Variants in MGAT4C observed in about 807,000 individuals in gnomAD.
The protein encoded by MGAT4C is alpha-1,3-mannosyl-glycoprotein 4-beta-N-acetylglucosaminyltransferase C.
In MGAT4C, 19 loss-of-function variants were observed where a neutral mutation model predicts 40.1. That is an observed-to-expected ratio of 0.47 (90% CI 0.33 to 0.70). The LOEUF is 0.70. Among genes scored for constraint, MGAT4C ranks in the 30% least tolerant of loss-of-function variants. The probability of loss-of-function intolerance (pLI) is 0.02; values close to 1 mark genes in which losing one functional copy is unlikely to be tolerated. For missense variants in MGAT4C, 491 were observed against 563.2 expected (o/e 0.87, Z 1.30); for synonymous variants, 181 against 187.1 (o/e 0.97, Z 0.27).
chr12:86,218,066 T>C (rs1331925109), intron 1 of MGAT4C, among the ~76,000 whole-genome samples: 1 of 152,052 alleles, frequency 6.6e-6, no homozygotes, highest in Non-Finnish European at 1.5e-5. Context: ...TTTTGGAGCA[T>C]TAGTCGGCTT....
chr12:86,460,451 G>A (rs1164570189), intron 2 of MGAT4C, among the ~76,000 whole-genome samples: 1 of 152,134 alleles, frequency 6.6e-6, no homozygotes, highest in Non-Finnish European at 1.5e-5. Flanking sequence ...GCAAATTGTT[G>A]TAAGTAAAAC....
At chr12:86,424,215 T>C (rs2136260154) in intron 3 of MGAT4C, among the ~76,000 whole-genome samples, 1 of 152,326 alleles carries the variant, frequency 6.6e-6, no homozygotes, top group South Asian at 2.1e-4. Flanking sequence ...CCTATTAACA[T>C]CTTTAAACCT....
chr12:86,590,181 C>T (rs1293102709), intron 2 of MGAT4C, among the ~76,000 whole-genome samples: 3 of 151,114 alleles, frequency 2.0e-5, no homozygotes, highest in African/African-American at 7.3e-5. Flanking sequence ...TCCCTAGGTG[C>T]TCTACAGCCG....
chr12:86,666,188 A>ACC (rs1431951839), intron 2 of MGAT4C, among the ~76,000 whole-genome samples: 1 of 152,184 alleles, frequency 6.6e-6, no homozygotes, highest in African/African-American at 2.4e-5. Flanking sequence ...TCACAAAGGT[A>ACC]CCATTAGATT....
intron 1 of MGAT4C, among the ~76,000 whole-genome samples, chr12:86,214,607 T>A (rs952929861): frequency 6.6e-6 from 1 of 152,186 alleles, no homozygotes; most frequent in African/African-American, 2.4e-5. Flanking sequence ...AGCCTCTTGC[T>A]GTGTCCTCAC....
At chr12:86,111,621 G>A (rs1047794494) in intron 1 of MGAT4C, among the ~76,000 whole-genome samples, 1 of 151,762 alleles carries the variant, frequency 6.6e-6, no homozygotes, top group South Asian at 2.1e-4. Context: ...CTTGATTAGT[G>A]AGAATTATTT....
At chr12:86,640,050 A>G (rs1207147261) in intron 2 of MGAT4C, among the ~76,000 whole-genome samples, 1 of 151,658 alleles carries the variant, frequency 6.6e-6, no homozygotes, top group Non-Finnish European at 1.5e-5. Context: ...TTTATGCTCA[A>G]TTTTGTTTCA....
chr12:86,438,879 G>A (rs943150909), intron 2 of MGAT4C, among the ~76,000 whole-genome samples: 3 of 151,562 alleles, frequency 2.0e-5, no homozygotes, highest in Non-Finnish European at 4.4e-5. Flanking sequence ...AAAATAAAAA[G>A]ACAAAGAAGG....
chr12:86,764,914 GA>G (rs928842163), intron 1 of MGAT4C, among the ~76,000 whole-genome samples: 68 of 152,134 alleles, frequency 4.5e-4, no homozygotes, highest in African/African-American at 1.6e-3. Context: ...CAAAGATGGG[GA>G]AAAAACAGAG....
intron 2 of MGAT4C, among the ~76,000 whole-genome samples, chr12:86,008,192 C>A (rs1888093460): frequency 6.6e-6 from 1 of 151,920 alleles, no homozygotes; most frequent in Admixed American, 6.6e-5. Context: ...ATTATACAAT[C>A]AACTAACCAA....
chr12:86,677,197 G>C (rs754250838), intron 2 of MGAT4C, among the ~76,000 whole-genome samples: 14 of 152,016 alleles, frequency 9.2e-5, no homozygotes, highest in Non-Finnish European at 1.6e-4. Flanking sequence ...AAATCATAAA[G>C]GCCTTCCTGA....
chr12:86,419,946 T>A (rs1956789166), intron 3 of MGAT4C, among the ~76,000 whole-genome samples: 1 of 152,182 alleles, frequency 6.6e-6, no homozygotes, highest in South Asian at 2.1e-4. Flanking sequence ...GAAAAAACAC[T>A]ACTTAAACTT....
chr12:86,785,745 TA>T (rs1425044595), intron 1 of MGAT4C, among the ~76,000 whole-genome samples: 1 of 151,552 alleles, frequency 6.6e-6, no homozygotes, highest in Non-Finnish European at 1.5e-5. Flanking sequence ...AGGGTTACAC[TA>T]TTTTTTATAT....
chr12:86,607,978 C>T (rs1962103538), intron 2 of MGAT4C, among the ~76,000 whole-genome samples: 1 of 152,014 alleles, frequency 6.6e-6, no homozygotes, highest in South Asian at 2.1e-4. Flanking sequence ...TCAAGCAATC[C>T]TTCTCCCTCA....
chr12:86,352,026 A>G (rs1026161957), intron 3 of MGAT4C, among the ~76,000 whole-genome samples: 10 of 152,096 alleles, frequency 6.6e-5, no homozygotes, highest in Non-Finnish European at 1.0e-4. Flanking sequence ...AAAATTGCAG[A>G]TAAATAAGAA....
At chr12:86,439,784 AAT>A (rs1232715195) in intron 2 of MGAT4C, among the ~76,000 whole-genome samples, 1 of 152,092 alleles carries the variant, frequency 6.6e-6, no homozygotes, top group African/African-American at 2.4e-5. Context: ...TAGAAATTAA[AAT>A]AGAGACATTA....
chr12:86,527,009 T>A (rs1244448096), intron 2 of MGAT4C, among the ~76,000 whole-genome samples: 1 of 152,156 alleles, frequency 6.6e-6, no homozygotes. Context: ...CCCAGCTTCC[T>A]CCTCCTTCAG....
At chr12:86,632,897 A>G (rs1258298485) in intron 2 of MGAT4C, among the ~76,000 whole-genome samples, 1 of 152,160 alleles carries the variant, frequency 6.6e-6, no homozygotes, top group African/African-American at 2.4e-5. Context: ...ACTAGAATTT[A>G]AAGTATAATA....
intron 2 of MGAT4C, among the ~76,000 whole-genome samples, chr12:86,713,537 T>A (rs1950595480): frequency 6.6e-6 from 1 of 152,120 alleles, no homozygotes; most frequent in East Asian, 1.9e-4. Flanking sequence ...TATGTATTTT[T>A]AACTTTTTGA....
Sources: gnomAD v4.1 joint callset for allele counts (sites outside exome capture counted in the v4.1 genomes callset) on GRCh38, gnomAD v4.1.1 for gene constraint, MANE v1.5 for transcripts, NCBI Gene and HGNC (gene_info 2026-07-23, HGNC 2026-07-21) for gene names.